Variants in KLF12 observed in about 807,000 individuals in gnomAD.
KLF12 encodes Krueppel-like factor 12.
KLF12 carries 9 observed loss-of-function variants against 37.8 expected under a neutral mutation model. That is an observed-to-expected ratio of 0.24 (90% CI 0.14 to 0.42). KLF12 has a LOEUF of 0.42. Among genes scored for constraint, KLF12 ranks in the 10% least tolerant of loss-of-function variants. The pLI is 1.00. For missense variants in KLF12, 411 were observed against 516.0 expected (o/e 0.80, Z 1.97); for synonymous variants, 208 against 202.1 (o/e 1.03, Z -0.25).
intron 1 of KLF12, among the ~76,000 whole-genome samples, chr13:74,089,193 GCA>G (rs1337193803): frequency 6.6e-6 from 1 of 152,052 alleles, no homozygotes; most frequent in Non-Finnish European, 1.5e-5. Context: ...ATAAACACAT[GCA>G]CACAGAGTCA....
the KLF12 span, among the ~76,000 whole-genome samples, chr13:74,298,370 T>C: frequency 6.6e-6 from 1 of 152,170 alleles, no homozygotes; most frequent in Non-Finnish European, 1.5e-5. Context: ...GCTGTTCCCA[T>C]GTTTGGTAGG....
chr13:74,135,391 C>G (rs545869708), upstream of KLF12, among the ~76,000 whole-genome samples: 4 of 152,044 alleles, frequency 2.6e-5, no homozygotes, highest in East Asian at 3.9e-4. Flanking sequence ...GCGGACGGCC[C>G]GGAGCCGAGT....
chr13:73,849,375 T>TAAAAAAAAAAAAAAAAAAAAAA (rs574332239), intron 3 of KLF12, among the ~76,000 whole-genome samples: 1 of 98,968 alleles, frequency 1.0e-5, no homozygotes, highest in African/African-American at 4.8e-5. Context: ...GGAGACTCCA[T>TAAAAAAAAAAAAAAAAAAAAAA]AAAAAAAAAA....
chr13:73,815,419 C>T (rs1031416871), intron 4 of KLF12, among the ~76,000 whole-genome samples: 1 of 152,152 alleles, frequency 6.6e-6, no homozygotes, highest in Non-Finnish European at 1.5e-5. Flanking sequence ...AATGGAAGGT[C>T]AAGATGAACA....
the KLF12 span, among the ~76,000 whole-genome samples, chr13:74,159,236 C>T: frequency 6.6e-6 from 1 of 152,134 alleles, no homozygotes; most frequent in Non-Finnish European, 1.5e-5. Context: ...ACAGGGGACA[C>T]CCTTCAGAAA....
At chr13:73,986,818 G>A (rs570826421) in intron 2 of KLF12, among the ~76,000 whole-genome samples, 9 of 152,152 alleles carry the variant, frequency 5.9e-5, no homozygotes, top group African/African-American at 1.2e-4. Context: ...TCTAGAGGCC[G>A]GTAAGGAAAT....
At chr13:74,145,930 T>C in the KLF12 span, among the ~76,000 whole-genome samples, 1 of 152,206 alleles carries the variant, frequency 6.6e-6, no homozygotes, top group East Asian at 1.9e-4. Flanking sequence ...AGAATTATCT[T>C]CTTACAACAA....
chr13:73,858,650 C>A, intron 3 of KLF12, among the ~76,000 whole-genome samples: 1 of 152,178 alleles, frequency 6.6e-6, no homozygotes, highest in Non-Finnish European at 1.5e-5. Context: ...TGTGATAAAT[C>A]TGAGGATGCT....
intron 2 of KLF12, among the ~76,000 whole-genome samples, chr13:73,970,360 T>G (rs1467896099): frequency 6.6e-6 from 1 of 151,872 alleles, no homozygotes; most frequent in Admixed American, 6.6e-5. Flanking sequence ...GGTGCTGGTT[T>G]TTTTTTTTTT....
intron 3 of KLF12, among the ~76,000 whole-genome samples, chr13:73,872,962 C>T (rs1178448711): frequency 6.6e-6 from 1 of 152,070 alleles, no homozygotes; most frequent in African/African-American, 2.4e-5. Flanking sequence ...TGCTATCTTC[C>T]AAACACCTGG....
At chr13:73,773,357 A>G (rs752042336) in intron 5 of KLF12, among the ~76,000 whole-genome samples, 2 of 152,198 alleles carry the variant, frequency 1.3e-5, no homozygotes, top group Non-Finnish European at 2.9e-5. Context: ...TTTCAGGCTC[A>G]TATGATCTCA....
the KLF12 span, among the ~76,000 whole-genome samples, chr13:74,215,291 T>C: frequency 6.6e-6 from 1 of 152,066 alleles, no homozygotes; most frequent in Non-Finnish European, 1.5e-5. Flanking sequence ...ACACTTCTAT[T>C]AACTTTTTAA....
intron 1 of KLF12, among the ~76,000 whole-genome samples, chr13:73,996,503 A>AT (rs1323250191): frequency 2.6e-5 from 4 of 152,152 alleles, no homozygotes; most frequent in Non-Finnish European, 4.4e-5. Flanking sequence ...TAGTTCTATA[A>AT]TTTTTTTCAT....
At chr13:74,134,572 G>A (rs999857859), upstream of KLF12, among the ~76,000 whole-genome samples, 1 of 151,520 alleles carries the variant, frequency 6.6e-6, no homozygotes, top group Non-Finnish European at 1.5e-5. Flanking sequence ...CCGGCCCCGG[G>A]CCTCGGCAGC....
intron 3 of KLF12, among the ~76,000 whole-genome samples, chr13:73,899,113 G>A (rs1566446155): frequency 6.6e-6 from 1 of 152,232 alleles, no homozygotes; most frequent in Non-Finnish European, 1.5e-5. Context: ...CCCCAGTTGG[G>A]GCCACCCCCC....
chr13:73,812,567 T>G (rs1476463748), intron 5 of KLF12, among the ~76,000 whole-genome samples: 1 of 152,114 alleles, frequency 6.6e-6, no homozygotes, highest in East Asian at 1.9e-4. Flanking sequence ...GATTTTTTTT[T>G]TCAATCATTT....
chr13:73,712,880 C>T (rs527279920), intron 7 of KLF12, among the ~76,000 whole-genome samples: 43 of 152,276 alleles, frequency 2.8e-4, no homozygotes, highest in African/African-American at 9.9e-4. Context: ...CTATTGCACA[C>T]TTGAGTATAG....
intron 6 of KLF12, among the ~76,000 whole-genome samples, chr13:73,744,958 C>T (rs1038869624): frequency 2.6e-5 from 4 of 152,158 alleles, no homozygotes; most frequent in Non-Finnish European, 5.9e-5. Flanking sequence ...GTTGCACTTT[C>T]TAGTTCTACA....
At chr13:74,001,118 G>A (rs1290276784) in intron 1 of KLF12, among the ~76,000 whole-genome samples, 1 of 152,134 alleles carries the variant, frequency 6.6e-6, no homozygotes, top group Non-Finnish European at 1.5e-5. Context: ...AAGTAACTTG[G>A]CCACACACAC....
Sources: allele counts gnomAD v4.1 joint callset (sites outside exome capture counted in the v4.1 genomes callset), GRCh38; gene constraint gnomAD v4.1.1; transcripts MANE v1.5; gene names NCBI Gene and HGNC (gene_info 2026-07-23, HGNC 2026-07-21).